The following PEBP4 variants were observed in gnomAD, a reference collection of about 807,000 sequenced individuals.
PEBP4 encodes phosphatidylethanolamine binding protein 4, also known as phosphatidylethanolamine-binding protein 4.
Under a neutral mutation model 23.9 loss-of-function variants are expected in PEBP4, and 22 were observed. The observed-to-expected ratio is 0.92, with a 90% CI of 0.66 to 1.31. The LOEUF is 1.31. PEBP4 is among the 40% of genes most tolerant of loss of function. PEBP4 has a pLI of 0.00. For synonymous variants in PEBP4, 112 were observed against 99.3 expected, an observed-to-expected ratio of 1.13 and a Z score of -0.76; for missense variants, 324 against 281.7, an observed-to-expected ratio of 1.15 and a Z score of -1.07.
At chr8:22,748,745 G>C (rs1805183408) in intron 4 of PEBP4, among the ~76,000 whole-genome samples, 1 of 152,126 alleles carries the variant, frequency 6.6e-6, no homozygotes, top group Non-Finnish European at 1.5e-5. Context: ...CAGAAAAATA[G>C]AAGAGAGCCC....
At chr8:22,906,778 G>A (rs144988394) in intron 3 of PEBP4, among the ~76,000 whole-genome samples, 156 of 152,376 alleles carry the variant, frequency 1.0e-3, no homozygotes, top group Non-Finnish European at 1.8e-3. Context: ...GAGACTGTTC[G>A]AATGCTTGGT....
intron 3 of PEBP4, among the ~76,000 whole-genome samples, chr8:22,873,518 C>A (rs1301005838): frequency 6.6e-6 from 1 of 152,102 alleles, no homozygotes; most frequent in African/African-American, 2.4e-5. Flanking sequence ...GTAGTCCCAG[C>A]TACTCAATGG....
At chr8:22,769,293 C>T (rs1805671763) in intron 4 of PEBP4, among the ~76,000 whole-genome samples, 1 of 152,220 alleles carries the variant, frequency 6.6e-6, no homozygotes, top group Non-Finnish European at 1.5e-5. Context: ...AGTTTACAGG[C>T]CAGGAGGCTA....
chr8:22,913,985 C>CT (rs1165242168), intron 3 of PEBP4, among the ~76,000 whole-genome samples: 28,121 of 123,074 alleles, frequency 0.23, 3,814 homozygotes, highest in Non-Finnish European at 0.27. Context: ...GGCCTGGCTA[C>CT]TTTTTTTTTT....
chr8:22,725,664 C>G (rs533062940), intron 5 of PEBP4, among the ~76,000 whole-genome samples: 2 of 152,272 alleles, frequency 1.3e-5, no homozygotes, highest in South Asian at 4.1e-4. Flanking sequence ...AGGTGGGCCT[C>G]TTTCCCAGAG....
intron 3 of PEBP4, among the ~76,000 whole-genome samples, chr8:22,863,673 T>TGTGTGC (rs1015875190): frequency 6.9e-4 from 105 of 152,304 alleles, no homozygotes; most frequent in African/African-American, 2.5e-3. Flanking sequence ...AGACAGGCGC[T>TGTGTGC]GTGTGCGTCG....
At position 22,860,498 on chromosome 8, in the gene PEBP4, T is replaced by C. The variant is rs1585311139; in HGVS notation, c.259-42763A>G. Among the ~76,000 whole-genome samples, 7 of 152,304 alleles carry C rather than the reference T, an allele frequency of 4.6e-5. No individual in the cohort carries two copies. In the South Asian group the frequency reaches 8.3e-4, roughly 18 times the overall value. On this transcript the variant is annotated intron_variant, in intron 3 of 6. Coordinates refer to ENST00000256404, the MANE Select transcript of PEBP4 (RefSeq NM_144962.3). Reference sequence around the variant, plus strand: ...GGTACAGTACCTGTCTTTTTGTGACTGGCTTATTTCACTTAGCATAATGTC... The same window carrying C: ...GGTACAGTACCTGTCTTTTTGTGACCGGCTTATTTCACTTAGCATAATGTC...
intron 3 of PEBP4, among the ~76,000 whole-genome samples, chr8:22,847,054 G>T (rs1251333191): frequency 1.3e-5 from 2 of 152,118 alleles, no homozygotes; most frequent in Admixed American, 6.5e-5. Flanking sequence ...GTCCTCAAGA[G>T]AAATCACTTC....
chr8:22,867,087 C>T (rs1305343116), intron 3 of PEBP4, among the ~76,000 whole-genome samples: 1 of 152,118 alleles, frequency 6.6e-6, no homozygotes, highest in Non-Finnish European at 1.5e-5. Context: ...CTGGGGAAGC[C>T]CCTCGGGTAG....
upstream of PEBP4, among the ~76,000 whole-genome samples, chr8:22,931,339 G>A (rs1809453587): frequency 6.6e-6 from 1 of 152,078 alleles, no homozygotes; most frequent in Non-Finnish European, 1.5e-5. Flanking sequence ...AAAGTACAGA[G>A]CATTTTCATC....
intron 4 of PEBP4, among the ~76,000 whole-genome samples, chr8:22,755,418 C>T (rs1805360068): frequency 6.7e-6 from 1 of 149,978 alleles, no homozygotes; most frequent in South Asian, 2.1e-4. Flanking sequence ...TCATTGCAAC[C>T]TCTGCTTTCC....
chr8:22,847,256 T>C (rs753959714), intron 3 of PEBP4, among the ~76,000 whole-genome samples: 20 of 152,294 alleles, frequency 1.3e-4, no homozygotes, highest in Admixed American at 6.5e-4. Flanking sequence ...AAGTCAGATC[T>C]GCCATCCTCT....
In PEBP4 at chr8:22,858,803, TG is replaced by T. The variant is rs529668663; in HGVS notation, c.259-41069del. On this transcript the variant is annotated intron_variant, in intron 3 of 6. Coordinates refer to ENST00000256404, the MANE Select transcript of PEBP4 (RefSeq NM_144962.3). ...CTTTACTAAAAATATAAAAATTAGC[TG>T]GGCATGGTAGCGGGTGCCTGTAGTC... 2.7e-4 allele frequency among the ~76,000 whole-genome samples: 41 copies of T among 152,204 alleles called. 2 individuals are homozygous for T. The South Asian group carries it at 7.3e-3, about 27-fold the overall frequency.
Position 22,911,063 on chromosome 8 carries a change from T to C in PEBP4, c.258+9121A>G, listed in dbSNP as rs969683194. Among the ~76,000 whole-genome samples, 5 of 152,188 alleles carry C rather than the reference T, an allele frequency of 3.3e-5. No individual in the cohort carries two copies. The East Asian group carries it at 9.6e-4, about 29-fold the overall frequency. On this transcript the variant is annotated intron_variant, in intron 3 of 6. Transcript: ENST00000256404. ...TGGGGGCAGGGGTACATGGGAATTCTCTGCACCATCTGTTCAATTTTGCTG... is the reference window on the plus strand; with the variant it reads ...TGGGGGCAGGGGTACATGGGAATTCCCTGCACCATCTGTTCAATTTTGCTG...
intron 4 of PEBP4, among the ~76,000 whole-genome samples, chr8:22,750,894 A>C (rs1417667117): frequency 6.6e-6 from 1 of 152,212 alleles, no homozygotes; most frequent in African/African-American, 2.4e-5. Context: ...AGAAAGCCAA[A>C]TTTCTTTTTA....
intron 1 of PEBP4, among the ~76,000 whole-genome samples, chr8:22,934,894 G>C (rs1045451403): frequency 1.3e-5 from 2 of 152,008 alleles, no homozygotes. Flanking sequence ...TTAGCTCTAA[G>C]GACACAAATA....
At chr8:22,767,010 G>C (rs971313478) in intron 4 of PEBP4, among the ~76,000 whole-genome samples, 3 of 152,268 alleles carry the variant, frequency 2.0e-5, no homozygotes, top group Non-Finnish European at 2.9e-5. Flanking sequence ...TGGGGGTCTA[G>C]AGTGTGCTGC....
intron 3 of PEBP4, among the ~76,000 whole-genome samples, chr8:22,846,616 C>G (rs985013947): frequency 6.6e-6 from 1 of 152,090 alleles, no homozygotes; most frequent in Non-Finnish European, 1.5e-5. Flanking sequence ...GGTTTGCACC[C>G]CAAGCCAAGT....
At chr8:22,877,656 ACCCCACC>A (rs1808151105) in intron 3 of PEBP4, among the ~76,000 whole-genome samples, 1 of 150,754 alleles carries the variant, frequency 6.6e-6, no homozygotes, top group Non-Finnish European at 1.5e-5. Flanking sequence ...GGGGCCCACC[ACCCCACC>A]TCCCCACCTC....
Sources: allele counts gnomAD v4.1 joint callset (sites outside exome capture counted in the v4.1 genomes callset), GRCh38; gene constraint gnomAD v4.1.1; transcripts MANE v1.5; gene names NCBI Gene and HGNC (gene_info 2026-07-23, HGNC 2026-07-21).